The following GSAP variants were observed in gnomAD, a reference collection of about 807,000 sequenced individuals.
GSAP encodes gamma-secretase activating protein, also known as gamma-secretase-activating protein.
In GSAP, 118 loss-of-function variants were observed where a neutral mutation model predicts 131.7. The observed-to-expected ratio is 0.90, with a 90% CI of 0.77 to 1.04. The LOEUF (loss-of-function observed/expected upper bound fraction) is 1.04, where lower values mean the gene tolerates loss of function less well. Ranked by LOEUF, GSAP falls within the 50% of genes least tolerant of loss-of-function variation. The probability of loss-of-function intolerance (pLI) is 0.00; values close to 1 mark genes in which losing one functional copy is unlikely to be tolerated. For synonymous variants in GSAP, 381 were observed against 363.4 expected (o/e 1.05, Z -0.55); for missense variants, 1,019 against 1,013.2 (o/e 1.01, Z -0.08).
intron 26 of GSAP, among the ~76,000 whole-genome samples, chr7:77,319,028 T>C (rs971542850): frequency 1.5e-4 from 23 of 152,122 alleles, no homozygotes; most frequent in Admixed American, 1.5e-3. Flanking sequence ...AACAAACCTG[T>C]GTGTTGTGCA....
At chr7:77,353,724 T>A in intron 16 of GSAP, 83 bp from the exon 17 acceptor site, 2 of 773,980 alleles carry the variant, frequency 2.6e-6, no homozygotes, top group Non-Finnish European at 2.2e-6. Context: ...TATACATGAA[T>A]CTTTTGCATT....
chr7:77,325,400 ATATCT>A (rs1788189404), intron 23 of GSAP, among the ~76,000 whole-genome samples: 1 of 152,238 alleles, frequency 6.6e-6, no homozygotes, highest in African/African-American at 2.4e-5. Flanking sequence ...GTATTAAAAA[ATATCT>A]TATTAGGCTT....
chr7:77,382,808 G>C (rs1206415388), intron 6 of GSAP, among the ~76,000 whole-genome samples, 165 bp from the exon 7 acceptor site: 3 of 152,192 alleles, frequency 2.0e-5, no homozygotes. Context: ...GTCAAAGCAA[G>C]CAAGAAAACA....
At chr7:77,374,226 ACC>A in intron 11 of GSAP, 71 bp from the exon 12 acceptor site, 1 of 739,968 alleles carries the variant, frequency 1.4e-6, no homozygotes. Flanking sequence ...GATGTGAGTA[ACC>A]ACTAAATAAT....
intron 12 of GSAP, among the ~76,000 whole-genome samples, chr7:77,362,980 G>A (rs1794763009): frequency 6.6e-6 from 1 of 152,222 alleles, no homozygotes; most frequent in Admixed American, 6.5e-5. Context: ...TAGTAAGCAT[G>A]CATTGTCCTC....
intron 23 of GSAP, 113 bp downstream of exon 23, chr7:77,326,099 T>G: frequency 1.3e-6 from 1 of 747,168 alleles, no homozygotes; most frequent in Non-Finnish European, 2.2e-6. Flanking sequence ...TGGCAAAACA[T>G]ACTTGTGCAA....
chr7:77,374,690 T>G (rs549218840), intron 11 of GSAP, among the ~76,000 whole-genome samples: 1 of 152,122 alleles, frequency 6.6e-6, no homozygotes, highest in South Asian at 2.1e-4. Flanking sequence ...ACAAGTGGAT[T>G]GACCTGTGAC....
intron 5 of GSAP, among the ~76,000 whole-genome samples, chr7:77,390,097 C>G (rs1207732561): frequency 6.6e-6 from 1 of 152,160 alleles, no homozygotes; most frequent in Non-Finnish European, 1.5e-5. Context: ...GAGAAAGTGT[C>G]TGTTCATATC....
intron 3 of GSAP, among the ~76,000 whole-genome samples, chr7:77,401,745 A>G (rs1346637773): frequency 2.0e-5 from 3 of 152,236 alleles, no homozygotes; most frequent in South Asian, 2.1e-4. Flanking sequence ...GGCGAAAAGT[A>G]TAACATTGCC....
intron 19 of GSAP, among the ~76,000 whole-genome samples, chr7:77,335,083 A>G (rs1223740325): frequency 6.9e-6 from 1 of 145,034 alleles, no homozygotes; most frequent in Non-Finnish European, 1.5e-5. Flanking sequence ...ACTCCGTCTC[A>G]ATTAAAAAAA....
At chr7:77,317,659 G>A (rs1204051587) in intron 26 of GSAP, among the ~76,000 whole-genome samples, 1 of 152,106 alleles carries the variant, frequency 6.6e-6, no homozygotes, top group Non-Finnish European at 1.5e-5. Flanking sequence ...ATGTGAGTTG[G>A]GTAGAAAGTG....
intron 12 of GSAP, among the ~76,000 whole-genome samples, chr7:77,365,325 C>T (rs1795123279): frequency 6.6e-6 from 1 of 152,048 alleles, no homozygotes; most frequent in Non-Finnish European, 1.5e-5. Flanking sequence ...CAGATAATTT[C>T]ATCACCCAGC....
chr7:77,413,991 C>A (rs1360566188), intron 1 of GSAP, among the ~76,000 whole-genome samples: 1 of 152,146 alleles, frequency 6.6e-6, no homozygotes, highest in Admixed American at 6.5e-5. Context: ...GAACCAGGAG[C>A]AAATGCAGTA....
chr7:77,386,646 G>A (rs746235141), intron 6 of GSAP, among the ~76,000 whole-genome samples: 15 of 152,102 alleles, frequency 9.9e-5, no homozygotes, highest in Non-Finnish European at 1.8e-4. Flanking sequence ...AACACTAGAC[G>A]GTGCCTCAGC....
chr7:77,391,690 C>T (rs1799573518), intron 5 of GSAP, among the ~76,000 whole-genome samples: 2 of 151,870 alleles, frequency 1.3e-5, no homozygotes, highest in Admixed American at 1.3e-4. Flanking sequence ...TAAGAACAAG[C>T]TGGACATGGT....
chr7:77,357,767 C>T (rs1298366626), intron 14 of GSAP, among the ~76,000 whole-genome samples: 2 of 152,198 alleles, frequency 1.3e-5, no homozygotes, highest in African/African-American at 4.8e-5. Flanking sequence ...CAAATTCTTC[C>T]CTGGAGCCTC....
chr7:77,359,641 G>C (rs528094281), intron 14 of GSAP, among the ~76,000 whole-genome samples: 53 of 152,246 alleles, frequency 3.5e-4, no homozygotes, highest in African/African-American at 1.1e-3. Flanking sequence ...GCTTAAGAAG[G>C]AAAGACAACA....
At chr7:77,382,836 C>T (rs965622493) in intron 6 of GSAP, among the ~76,000 whole-genome samples, 193 bp from the exon 7 acceptor site, 3 of 152,154 alleles carry the variant, frequency 2.0e-5, no homozygotes, top group Non-Finnish European at 4.4e-5. Context: ...TTCAGAACCT[C>T]AGTTTTCCAG....
chr7:77,323,746 A>C lies in GSAP; in HGVS notation c.1828-4T>G. On this transcript the variant is annotated splice_polypyrimidine_tract_variant and splice_region_variant and intron_variant, in intron 23 of 30. Transcript: ENST00000257626. ...GGTCTTTTAGCTCAGACACCATCTG[A>C]AAACAGGATATGCATTAAATAAGTC... 1 of 1,465,802 alleles carries C rather than the reference A, an allele frequency of 6.8e-7. No homozygotes were observed. Among genetic ancestry groups the C allele is most frequent in the Non-Finnish European group, 9.5e-7 (1 of 1,050,332 alleles). The allele number at this position is 1,465,802 out of a possible 1,614,324, so 90.8% of individuals were successfully genotyped here.
Sources: allele counts gnomAD v4.1 joint callset (sites outside exome capture counted in the v4.1 genomes callset), GRCh38; gene constraint gnomAD v4.1.1; transcripts MANE v1.5; gene names NCBI Gene and HGNC (gene_info 2026-07-23, HGNC 2026-07-21).